MID1: variants seen among roughly 807,000 people sequenced by gnomAD.
MID1 encodes midline 1.
In MID1, 7 loss-of-function variants were observed where a neutral mutation model predicts 40.4. That is an observed-to-expected ratio of 0.17 (90% CI 0.10 to 0.33). The LOEUF (loss-of-function observed/expected upper bound fraction) is 0.33. Ranked by LOEUF, MID1 falls within the 10% of genes least tolerant of loss-of-function variation. MID1 has a pLI of 1.00. For missense variants in MID1, 367 were observed against 558.5 expected, an observed-to-expected ratio of 0.66 and a Z score of 3.46; for synonymous variants, 229 against 221.2, an observed-to-expected ratio of 1.04 and a Z score of -0.31.
At chrX:10,550,837 G>A in intron 2 of MID1, among the ~76,000 whole-genome samples, 1 of 110,515 alleles carries the variant, frequency 9.0e-6, no homozygotes, top group Non-Finnish European at 1.9e-5. Flanking sequence ...CCCAAGTTTC[G>A]AAAACTAAGC....
At chrX:10,667,658 T>C (rs183414334) in intron 1 of MID1, among the ~76,000 whole-genome samples, 111 of 111,391 alleles carry the variant, frequency 1.0e-3, no homozygotes, top group African/African-American at 3.4e-3. Context: ...TTCGGAGACC[T>C]AGCATTTGTG....
At chrX:10,568,241 T>C (rs370875616) in intron 1 of MID1, among the ~76,000 whole-genome samples, 2 of 111,853 alleles carry the variant, frequency 1.8e-5, no homozygotes, top group Non-Finnish European at 3.8e-5. Context: ...ACAAAGATGA[T>C]TGTGATAGAG....
intron 1 of MID1, among the ~76,000 whole-genome samples, chrX:10,710,415 G>A: frequency 9.0e-6 from 1 of 110,760 alleles, no homozygotes; most frequent in Non-Finnish European, 1.9e-5. Context: ...GGCTTATACT[G>A]GGTTATAGTA....
chrX:10,557,120 A>G (rs1275723458), intron 2 of MID1, among the ~76,000 whole-genome samples: 2 of 111,678 alleles, frequency 1.8e-5, no homozygotes, highest in Non-Finnish European at 1.9e-5. Context: ...GTCCATGTAC[A>G]TGAACACAGC....
chrX:10,601,588 G>A (rs1935519626), intron 1 of MID1, among the ~76,000 whole-genome samples: 1 of 111,385 alleles, frequency 9.0e-6, no homozygotes, highest in African/African-American at 3.3e-5. Context: ...CTGACCCCTG[G>A]CCTAGATTCA....
intron 1 of MID1, among the ~76,000 whole-genome samples, chrX:10,734,307 T>C (rs1276686447): frequency 1.8e-5 from 2 of 111,325 alleles, no homozygotes; most frequent in Non-Finnish European, 3.8e-5. Context: ...AAATATCACA[T>C]GTTCTCTCTT....
intron 2 of MID1, among the ~76,000 whole-genome samples, chrX:10,524,213 T>C (rs767171312): frequency 1.6e-4 from 18 of 111,971 alleles, no homozygotes; most frequent in Non-Finnish European, 3.2e-4. Flanking sequence ...AATGACTATT[T>C]AATCCTATTT....
At position 10,763,136 on chromosome X, in the gene MID1, GT is replaced by G. The variant is rs760872479; in HGVS notation, c.-187+70417del. On this transcript the variant is annotated intron_variant, in intron 1 of 10. Transcript: ENST00000380785. ...ATATGTATAGAAATTTACATGGCTG[GT>G]TTTTTTTTTTTTGCCCTTTTTATTT... Among the ~76,000 whole-genome samples, 247 of 94,637 alleles carry G rather than the reference GT, an allele frequency of 2.6e-3. 1 individual carries two copies. Among genetic ancestry groups the G allele is most frequent in the East Asian group, 7.7e-3 (23 of 2,978 alleles). The allele number at this position is 94,637 out of a possible 115,157, so 82.2% of individuals were successfully genotyped here.
intron 1 of MID1, among the ~76,000 whole-genome samples, chrX:10,605,917 T>C (rs1831079387): frequency 9.0e-6 from 1 of 111,201 alleles, no homozygotes; most frequent in African/African-American, 3.3e-5. Context: ...TTTATAAATC[T>C]CTATTCCTGA....
At chrX:10,746,085 G>C (rs1004955192) in intron 1 of MID1, among the ~76,000 whole-genome samples, 1 of 111,806 alleles carries the variant, frequency 8.9e-6, no homozygotes, top group Non-Finnish European at 1.9e-5. Context: ...TTTGATACGG[G>C]TTTTGACTGT....
intron 3 of MID1, among the ~76,000 whole-genome samples, chrX:10,518,690 G>A (rs942803115): frequency 8.9e-6 from 1 of 111,781 alleles, no homozygotes. Context: ...AATAAGTACT[G>A]TAAGTATCAT....
At chrX:10,766,290 G>A (rs2147123912) in intron 1 of MID1, among the ~76,000 whole-genome samples, 1 of 111,903 alleles carries the variant, frequency 8.9e-6, no homozygotes, top group African/African-American at 3.2e-5. Context: ...AGGATATGTA[G>A]GGGACTACTA....
At chrX:10,781,686 G>T (rs1464874627) in intron 1 of MID1, among the ~76,000 whole-genome samples, 1 of 111,940 alleles carries the variant, frequency 8.9e-6, no homozygotes, top group Non-Finnish European at 1.9e-5. Context: ...GTGGTATTTA[G>T]GATGATCTTT....
rs973483543 is a variant in MID1 at position 10,446,740 on chromosome X, C to T, written c.*2628G>A. On this transcript the variant is annotated 3_prime_UTR_variant, in exon 10 of 10. Coordinates refer to ENST00000317552, the MANE Select transcript of MID1 (RefSeq NM_000381.4). ...ATTGTTAAGAATTTCAAGACATCAA[C>T]AGCAGAGCATTAAATCAGGCTTAGG... is the stretch of plus-strand genomic sequence containing the variant. 2 of 112,270 alleles carry T rather than the reference C, an allele frequency of 1.8e-5. No homozygotes were observed. The highest frequency in any genetic ancestry group is 6.5e-5 in the African/African-American group (2 of 30,822). 9.3% of individuals were successfully genotyped at this position (112,270 alleles called of 1,213,427 possible).
At chrX:10,653,185 C>T (rs1472606848) in intron 1 of MID1, among the ~76,000 whole-genome samples, 2 of 112,346 alleles carry the variant, frequency 1.8e-5, no homozygotes, top group Admixed American at 9.4e-5. Flanking sequence ...GCTTCATACA[C>T]TTCCCCGTAG....
intron 2 of MID1, among the ~76,000 whole-genome samples, chrX:10,533,093 A>T (rs185000734): frequency 1.8e-5 from 2 of 109,515 alleles, no homozygotes; most frequent in East Asian, 2.8e-4. Flanking sequence ...TTTTTAAATA[A>T]TTTTTTTTAA....
chrX:10,586,562 T>C (rs964103022), intron 1 of MID1, among the ~76,000 whole-genome samples: 1 of 112,289 alleles, frequency 8.9e-6, no homozygotes, highest in Admixed American at 9.4e-5. Context: ...CAAACTTCAA[T>C]TGTTATGTGG....
At chrX:10,743,534 C>T (rs1184916136) in intron 1 of MID1, among the ~76,000 whole-genome samples, 1 of 111,637 alleles carries the variant, frequency 9.0e-6, no homozygotes, top group Non-Finnish European at 1.9e-5. Flanking sequence ...TTCACATGTA[C>T]ATGGAATGGG....
At chrX:10,800,774 T>A (rs1569173575) in intron 1 of MID1, among the ~76,000 whole-genome samples, 1 of 111,883 alleles carries the variant, frequency 8.9e-6, no homozygotes, top group Non-Finnish European at 1.9e-5. Flanking sequence ...ACAGAGAGAG[T>A]GCAACCACCA....
Sources: gnomAD v4.1 joint callset for allele counts (sites outside exome capture counted in the v4.1 genomes callset) on GRCh38, gnomAD v4.1.1 for gene constraint, MANE v1.5 for transcripts, NCBI Gene and HGNC (gene_info 2026-07-23, HGNC 2026-07-21) for gene names.